FSIP2: variants seen among roughly 807,000 people sequenced by gnomAD.
The protein encoded by FSIP2 is fibrous sheath interacting protein 2.
A neutral mutation model predicts 510.5 loss-of-function variants in FSIP2; 367 were observed. That is an observed-to-expected ratio of 0.72 (90% CI 0.66 to 0.78). The LOEUF is 0.78. FSIP2 is among the 30% of genes least tolerant of loss of function. The probability of loss-of-function intolerance (pLI) is 0.00; values close to 1 mark genes in which losing one functional copy is unlikely to be tolerated. For missense variants in FSIP2, 7,594 were observed against 7,901.7 expected (o/e 0.96, Z 1.48); for synonymous variants, 2,601 against 2,732.2 (o/e 0.95, Z 1.50).
rs1235142817 is a variant in FSIP2, at chr2:185,790,554, C to T, written c.3418C>T (p.Leu1140Phe). The change falls in exon 16 of 23, where the codon CTT becomes TTT. Residue 1140 changes from leucine (L) to phenylalanine (F), a missense_variant. Physicochemically the swap from Leu to Phe is conservative, Grantham distance 22. Transcript: ENST00000424728. Reference protein sequence around the residue: ...DSKTGSEASVLVSEKPQGLSH... With the variant: ...DSKTGSEASVFVSEKPQGLSH... ...CAAAACTGGCAGTGAAGCTTCAGTT[C>T]TTGTTTCAGAAAAGCCTCAAGGACT... 1 of 1,533,774 alleles carries T rather than the reference C, an allele frequency of 6.5e-7. No individual in the cohort carries two copies.
At position 185,800,788 on chromosome 2, in the gene FSIP2, G is replaced by A; in HGVS notation, c.11482G>A (p.Glu3828Lys). 6.5e-7 allele frequency: 1 copy of A among 1,534,266 alleles called. No homozygotes were observed. The highest frequency in any genetic ancestry group is 8.7e-7 in the Non-Finnish European group (1 of 1,145,606). ...YMSDLLENVA[E>K]IDQDLLTSDS... ...GTCAGACCTTTTGGAGAATGTGGCA[G>A]AAATTGATCAAGACTTATTGACATC... Residue 3828 changes from glutamate (E) to lysine (K), a missense_variant, in exon 17 of 23, where the codon GAA (glutamate) becomes AAA (lysine). Coordinates refer to ENST00000424728, the MANE Select transcript of FSIP2 (RefSeq NM_173651.4).
rs7565527 is a variant in FSIP2, at chr2:185,802,633, A to C, written c.13327A>C (p.Ile4443Leu). The change falls in exon 17 of 23, where the codon ATC (isoleucine) becomes CTC (leucine). Residue 4443 changes from isoleucine to leucine, a missense_variant. Ile to Leu is a conservative substitution (Grantham distance 5, BLOSUM62 2). Coordinates refer to ENST00000424728, the MANE Select transcript of FSIP2 (RefSeq NM_173651.4). Reference protein sequence around the residue: ...NSVAENIVQDILSNISKSTEP... With the variant: ...NSVAENIVQDLLSNISKSTEP... ...AGTGGCTGAGAATATTGTTCAGGAC[A>C]TCCTTAGTAACATCAGTAAATCTAC... 174,489 of 1,533,200 alleles carry C rather than the reference A, an allele frequency of 0.11. 10,376 individuals are homozygous for C. The highest frequency in any genetic ancestry group is 0.14 in the Middle Eastern group (832 of 5,972). The allele number at this position is 1,533,200 out of a possible 1,614,324, so 95.0% of individuals were successfully genotyped here. A position where few individuals can be genotyped will look rare whatever the true frequency, so the allele number is the denominator to read the frequency against.
At chr2:185,773,804 T>C (rs1217969806) in intron 13 of FSIP2, among the ~76,000 whole-genome samples, 1 of 152,228 alleles carries the variant, frequency 6.6e-6, no homozygotes, top group Non-Finnish European at 1.5e-5. Context: ...TTCTTGTTTC[T>C]TTCCATGTAT....
chr2:185,757,881 A>G (rs1484544037), intron 9 of FSIP2, among the ~76,000 whole-genome samples: 12 of 151,268 alleles, frequency 7.9e-5, no homozygotes, highest in Non-Finnish European at 4.4e-5. Flanking sequence ...AACCAATATC[A>G]CAATCATATG....
chr2:185,793,946 T>G lies in FSIP2; in HGVS notation c.6810T>G (p.Asp2270Glu). The G allele has an allele frequency of 1.3e-6, 2 of 1,526,812 alleles. No individual in the cohort carries two copies. The highest frequency in any genetic ancestry group is 1.7e-6 in the Non-Finnish European group (2 of 1,142,858). 94.6% of individuals were successfully genotyped at this position (1,526,812 alleles called of 1,614,324 possible). A position where few individuals can be genotyped will look rare whatever the true frequency, so the allele number is the denominator to read the frequency against. ...RLESFATERIDSLITLAFQSK... is the reference protein window; with the variant it reads ...RLESFATERIESLITLAFQSK... ...AATCTTTTGCCACAGAAAGAATAGA[T>G]TCATTAATTACCCTTGCTTTCCAAA... The change falls in exon 16 of 23, where the codon GAT becomes GAG. Residue 2270 changes from aspartate (D) to glutamate (E), a missense_variant. Asp to Glu is a conservative substitution (Grantham distance 45). Coordinates refer to ENST00000424728, the MANE Select transcript of FSIP2 (RefSeq NM_173651.4).
At chr2:185,767,434 T>A (rs1692512513) in intron 13 of FSIP2, among the ~76,000 whole-genome samples, 1 of 152,178 alleles carries the variant, frequency 6.6e-6, no homozygotes, top group Non-Finnish European at 1.5e-5. Context: ...TCCACACTTA[T>A]TCATCTTATA....
intron 19 of FSIP2, among the ~76,000 whole-genome samples, chr2:185,816,416 A>G (rs1693827228): frequency 6.6e-6 from 1 of 152,022 alleles, no homozygotes; most frequent in Admixed American, 6.6e-5. Context: ...TTTTAGAGCA[A>G]GATAATACCA....
At chr2:185,779,418 A>C (rs543369020) in intron 13 of FSIP2, among the ~76,000 whole-genome samples, 20 of 152,146 alleles carry the variant, frequency 1.3e-4, no homozygotes, top group African/African-American at 4.8e-4. Flanking sequence ...TCTGGGGTAC[A>C]TATGTATTTT....
Position 185,791,687 on chromosome 2 carries a change from C to T in FSIP2, c.4551C>T (p.Asp1517=). ...CGLKAISESL[D]IDNPSFASII... ...TAAAAGCTATCTCAGAGTCTCTTGACATTGACAACCCATCATTTGCTTCAA... is the reference window on the plus strand; with the variant it reads ...TAAAAGCTATCTCAGAGTCTCTTGATATTGACAACCCATCATTTGCTTCAA... Residue 1517 remains aspartate (D), a synonymous_variant, in exon 16 of 23, where the codon GAC becomes GAT. Transcript: ENST00000424728. The T allele has an allele frequency of 1.3e-6, 2 of 1,534,282 alleles. No homozygotes were observed. The highest frequency in any genetic ancestry group is 2.7e-5 in the African/African-American group (2 of 73,012).
At chr2:185,768,666 G>A (rs1319660478) in intron 13 of FSIP2, among the ~76,000 whole-genome samples, 7 of 151,878 alleles carry the variant, frequency 4.6e-5, no homozygotes, top group East Asian at 3.9e-4. Context: ...ATACATGTGC[G>A]GGTTTGTTTT....
intron 19 of FSIP2, among the ~76,000 whole-genome samples, chr2:185,818,911 T>C (rs1249922103): frequency 6.6e-6 from 1 of 151,888 alleles, no homozygotes; most frequent in East Asian, 1.9e-4. Flanking sequence ...CAAATGTAAA[T>C]ACATTAACAA....
intron 13 of FSIP2, among the ~76,000 whole-genome samples, chr2:185,767,968 A>G (rs1005806620): frequency 6.6e-6 from 1 of 152,160 alleles, no homozygotes; most frequent in Admixed American, 6.6e-5. Flanking sequence ...ATGTCTGTAC[A>G]AATTTACATT....
chr2:185,800,087 G>C lies in FSIP2; in HGVS notation c.10781G>C (p.Gly3594Ala). 1 of 1,532,548 alleles carries C rather than the reference G, an allele frequency of 6.5e-7. No homozygotes were observed. Among genetic ancestry groups the C allele is most frequent in the Non-Finnish European group, 8.7e-7 (1 of 1,144,242 alleles). The allele number at this position is 1,532,548 out of a possible 1,614,324, so 94.9% of individuals were successfully genotyped here. A position where few individuals can be genotyped will look rare whatever the true frequency, so the allele number is the denominator to read the frequency against. ...AIPTKYTYCP[G>A]IVSGGFDDLF... is the part of the protein sequence containing the mutation. ...CCTACAAAATACACTTACTGTCCAG[G>C]AATAGTTTCTGGTGGCTTTGATGAC... is the stretch of plus-strand genomic sequence containing the variant. The change falls in exon 17 of 23, where the codon GGA becomes GCA. Residue 3594 changes from glycine (G) to alanine (A), a missense_variant. By Grantham distance (60) the Gly-to-Ala change is moderately conservative. Transcript: ENST00000424728.
At position 185,803,163 on chromosome 2, in the gene FSIP2, T is replaced by G; in HGVS notation, c.13857T>G (p.Ser4619=). Residue 4619 remains serine (S), a synonymous_variant, in exon 17 of 23, where the codon TCT becomes TCG. Transcript: ENST00000424728. ...RRQLFYTSVY[S]STFLEDVISG... is the part of the protein sequence containing the mutation. The stretch of plus-strand genomic sequence containing the variant: ...AGTTATTTTATACCAGTGTTTACTC[T>G]TCAACATTCTTGGAAGATGTAATCT... 6.5e-7 allele frequency: 1 copy of G among 1,532,372 alleles called. No individual in the cohort carries two copies. 94.9% of individuals were successfully genotyped at this position (1,532,372 alleles called of 1,614,324 possible).
At chr2:185,770,294 G>A (rs1015262647) in intron 13 of FSIP2, among the ~76,000 whole-genome samples, 1 of 151,986 alleles carries the variant, frequency 6.6e-6, no homozygotes, top group East Asian at 1.9e-4. Context: ...GAACCTCCCT[G>A]GTTAGTGGTA....
At chr2:185,742,607 C>CT (rs1230158520) in intron 2 of FSIP2, among the ~76,000 whole-genome samples, 4 of 152,192 alleles carry the variant, frequency 2.6e-5, no homozygotes, top group Non-Finnish European at 5.9e-5. Context: ...TGCAATGACT[C>CT]TTTAACTCAA....
intron 21 of FSIP2, among the ~76,000 whole-genome samples, chr2:185,830,590 T>C (rs1245617328): frequency 6.6e-6 from 1 of 151,936 alleles, no homozygotes; most frequent in African/African-American, 2.4e-5. Context: ...TTATCATAAC[T>C]AGCACAATGT....
intron 19 of FSIP2, among the ~76,000 whole-genome samples, chr2:185,815,741 T>G (rs1693813623): frequency 6.6e-6 from 1 of 151,986 alleles, no homozygotes; most frequent in South Asian, 2.1e-4. Flanking sequence ...GCTAATGTAT[T>G]AGGGTATTTT....
chr2:185,768,790 C>T (rs750746794), intron 13 of FSIP2, among the ~76,000 whole-genome samples: 3 of 152,044 alleles, frequency 2.0e-5, no homozygotes, highest in Non-Finnish European at 2.9e-5. Context: ...CTGCTCCAAC[C>T]CTCTACCACA....
Sources: gnomAD v4.1 joint callset for allele counts (sites outside exome capture counted in the v4.1 genomes callset) on GRCh38, gnomAD v4.1.1 for gene constraint, MANE v1.5 for transcripts, NCBI Gene and HGNC (gene_info 2026-07-23, HGNC 2026-07-21) for gene names.